The following SP140 variants were observed in gnomAD, a reference collection of about 807,000 sequenced individuals.
SP140 encodes nuclear body protein SP140.
SP140 carries 81 observed loss-of-function variants against 125.0 expected under a neutral mutation model. The observed-to-expected ratio is 0.65, with a 90% CI of 0.54 to 0.78. SP140 has a LOEUF of 0.78. SP140 is among the 30% of genes least tolerant of loss of function. The pLI is 0.00. For synonymous variants in SP140, 312 were observed against 354.0 expected (o/e 0.88, Z 1.33); for missense variants, 858 against 1,037.0 (o/e 0.83, Z 2.37).
upstream of SP140, chr2:230,200,896 C>T: frequency 6.2e-7 from 1 of 1,612,670 alleles, no homozygotes; most frequent in Non-Finnish European, 8.5e-7. Flanking sequence ...TTGTGTGACC[C>T]TTCGTGGTGT....
chr2:230,298,478 A>G (rs2057971492), intron 22 of SP140, among the ~76,000 whole-genome samples: 1 of 152,200 alleles, frequency 6.6e-6, no homozygotes, highest in African/African-American at 2.4e-5. Context: ...GGACTTTTCA[A>G]TAATTAAAAC....
chr2:230,209,252 TTG>T (rs2044207974), intron 1 of SP140, among the ~76,000 whole-genome samples: 2 of 151,902 alleles, frequency 1.3e-5, no homozygotes, highest in Admixed American at 1.3e-4. Context: ...AGGCCAAGAA[TTG>T]GTGGAGGAAA....
intron 22 of SP140, among the ~76,000 whole-genome samples, chr2:230,307,486 G>A (rs369400975): frequency 6.6e-6 from 1 of 152,326 alleles, no homozygotes; most frequent in African/African-American, 2.4e-5. Flanking sequence ...CTCCCTTTTG[G>A]AGGCTCTGAG....
intron 12 of SP140, among the ~76,000 whole-genome samples, chr2:230,267,742 G>T (rs1196356450): frequency 6.6e-6 from 1 of 152,222 alleles, no homozygotes; most frequent in Non-Finnish European, 1.5e-5. Flanking sequence ...CAGTATAAGT[G>T]TGAATGGTGT....
intron 15 of SP140, among the ~76,000 whole-genome samples, chr2:230,277,344 A>G (rs1263537295): frequency 6.6e-6 from 1 of 152,192 alleles, no homozygotes; most frequent in East Asian, 1.9e-4. Flanking sequence ...TCAAGTGATC[A>G]TGAGCATTAC....
At chr2:230,248,820 T>C in intron 8 of SP140, 65 bp from the exon 9 acceptor site, 1 of 1,338,612 alleles carries the variant, frequency 7.5e-7, no homozygotes, top group South Asian at 1.2e-5. Flanking sequence ...TTGGATGGCA[T>C]GAACACACTG....
rs769003293 is a variant in SP140, at chr2:230,255,470, C to G, written c.1178C>G (p.Ser393Trp). The change falls in exon 12 of 27, where the codon TCG (serine) becomes TGG (tryptophan). Residue 393 changes from serine to tryptophan, a missense_variant. Ser to Trp is a radical substitution (Grantham distance 177). Transcript: ENST00000392045. ...GEGEEGSDDCSEMCDGEERQE... is the reference protein window; with the variant it reads ...GEGEEGSDDCWEMCDGEERQE... ...TCTGCAGAGGGCAGTGATGACTGTT[C>G]GGAAATGTGTGATGGAGAAGAGCGC... The G allele has an allele frequency of 1.9e-6, 3 of 1,613,720 alleles. No individual in the cohort carries two copies. The highest frequency in any genetic ancestry group is 1.1e-5 in the South Asian group (1 of 91,066).
At chr2:230,201,532 C>T (rs2043185679), upstream of SP140, among the ~76,000 whole-genome samples, 1 of 152,082 alleles carries the variant, frequency 6.6e-6, no homozygotes, top group African/African-American at 2.4e-5. Flanking sequence ...TTTTGGTGAG[C>T]CAGTAAAAAT....
At chr2:230,187,176 C>A in the SP140 span, among the ~76,000 whole-genome samples, 1 of 151,758 alleles carries the variant, frequency 6.6e-6, no homozygotes, top group Admixed American at 6.6e-5. Context: ...TTTTTTTTGA[C>A]TTCTTAATAA....
At position 230,269,886 on chromosome 2, in the gene SP140, T is replaced by C. The variant is rs780167172; in HGVS notation, c.1377T>C (p.Cys459=). 3 of 1,614,074 alleles carry C rather than the reference T, an allele frequency of 1.9e-6. No individual in the cohort carries two copies. The highest frequency in any genetic ancestry group is 2.5e-6 in the Non-Finnish European group (3 of 1,179,994). Residue 459 remains cysteine (C), a synonymous_variant, in exon 14 of 27, where the codon TGT becomes TGC. Transcript: ENST00000392045. The part of the protein sequence containing the change: ...YENEKCSCVM[C]FSEEVPGSPE... Reference sequence around the variant, plus strand: ...ATGAGAAGTGTTCCTGTGTCATGTGTTTCTCAGAAGAGGTGCCAGGAAGCC... The same window carrying C: ...ATGAGAAGTGTTCCTGTGTCATGTGCTTCTCAGAAGAGGTGCCAGGAAGCC...
intron 14 of SP140, among the ~76,000 whole-genome samples, chr2:230,270,159 G>T (rs916413722): frequency 1.3e-5 from 2 of 152,144 alleles, no homozygotes; most frequent in Non-Finnish European, 2.9e-5. Context: ...CATAGATGAT[G>T]TCATAGAAGT....
At chr2:230,296,873 G>T (rs1403091419) in intron 21 of SP140, among the ~76,000 whole-genome samples, 1 of 152,216 alleles carries the variant, frequency 6.6e-6, no homozygotes, top group African/African-American at 2.4e-5. Context: ...TCCCTGCAGG[G>T]AATGGGACTT....
In SP140 at chr2:230,287,918, C is replaced by T. The variant is rs11887179; in HGVS notation, c.1672C>T (p.Arg558Cys). The T allele has an allele frequency of 2.3e-3, 3,665 of 1,611,816 alleles. 66 individuals are homozygous for T. The African/African-American group carries it at 0.043, about 19-fold the overall frequency. ...RGRKRGKPGT[R>C]FTQSDRAAQK... ...GAGAAAGAGAGGCAAACCTGGAACCCGCTTCACTCAGAGTGACAGAGCTGC... is the reference window on the plus strand; with the variant it reads ...GAGAAAGAGAGGCAAACCTGGAACCTGCTTCACTCAGAGTGACAGAGCTGC... Residue 558 changes from arginine (R) to cysteine (C), a missense_variant, in exon 18 of 27, where the codon CGC becomes TGC. Transcript: ENST00000392045.
chr2:230,307,124 CAG>C (rs1050310089), intron 22 of SP140, among the ~76,000 whole-genome samples: 1 of 152,178 alleles, frequency 6.6e-6, no homozygotes, highest in African/African-American at 2.4e-5. Flanking sequence ...TACCTGCCAG[CAG>C]AGAGAAGCCA....
At chr2:230,226,196 G>A (rs1002706535) in intron 1 of SP140, among the ~76,000 whole-genome samples, 2 of 152,010 alleles carry the variant, frequency 1.3e-5, no homozygotes, top group African/African-American at 2.4e-5. Context: ...ATGATTCCCC[G>A]TGACCTCTGA....
At chr2:230,273,214 C>A (rs1253693723) in intron 15 of SP140, among the ~76,000 whole-genome samples, 1 of 152,172 alleles carries the variant, frequency 6.6e-6, no homozygotes, top group Non-Finnish European at 1.5e-5. Flanking sequence ...GATCTAACAT[C>A]CAGCATCTGT....
chr2:230,197,879 T>C, the SP140 span, among the ~76,000 whole-genome samples: 3 of 152,184 alleles, frequency 2.0e-5, no homozygotes, highest in Admixed American at 1.3e-4. Context: ...TTCAAACTCC[T>C]GGGCTCAAGC....
intron 22 of SP140, among the ~76,000 whole-genome samples, chr2:230,309,230 G>T (rs370596351): frequency 1.7e-4 from 26 of 152,288 alleles, no homozygotes; most frequent in African/African-American, 6.0e-4. Context: ...ACACTGTATG[G>T]TGCTGTTACC....
intron 1 of SP140, among the ~76,000 whole-genome samples, chr2:230,226,798 C>T (rs569755385): frequency 3.6e-5 from 5 of 140,348 alleles, no homozygotes; most frequent in African/African-American, 5.1e-5. Context: ...TACATCAATA[C>T]GGTCATTTCT....
Sources: gnomAD v4.1 joint callset for allele counts (sites outside exome capture counted in the v4.1 genomes callset) on GRCh38, gnomAD v4.1.1 for gene constraint, MANE v1.5 for transcripts, NCBI Gene and HGNC (gene_info 2026-07-23, HGNC 2026-07-21) for gene names.